Variants in ARHGAP10 observed in about 807,000 individuals in gnomAD.
ARHGAP10 encodes the protein rho GTPase-activating protein 10.
A neutral mutation model predicts 108.6 loss-of-function variants in ARHGAP10; 87 were observed. That is an observed-to-expected ratio of 0.80 (90% CI 0.67 to 0.96). The LOEUF is 0.96. Among genes scored for constraint, ARHGAP10 ranks in the 40% least tolerant of loss-of-function variants. The pLI is 0.00. For synonymous variants in ARHGAP10, 347 were observed against 341.1 expected (o/e 1.02, Z -0.19); for missense variants, 939 against 954.5 (o/e 0.98, Z 0.21).
In ARHGAP10 at chr4:148,063,128, C is replaced by A; in HGVS notation, c.2028-20C>A. 6.2e-7 allele frequency: 1 copy of A among 1,613,492 alleles called. No individual in the cohort carries two copies. Among genetic ancestry groups the A allele is most frequent in the Non-Finnish European group, 8.5e-7 (1 of 1,179,652 alleles). ...TGGCCTTTCTGCTATTAATCCTGTCCTTCAAACTCCTACCCTTAGCCCAGG... is the reference window on the plus strand; with the variant it reads ...TGGCCTTTCTGCTATTAATCCTGTCATTCAAACTCCTACCCTTAGCCCAGG... On this transcript the variant is annotated intron_variant, in intron 20 of 22. Transcript: ENST00000336498.
chr4:147,962,360 A>T (rs1004925866), intron 16 of ARHGAP10, among the ~76,000 whole-genome samples: 1 of 152,228 alleles, frequency 6.6e-6, no homozygotes, highest in Non-Finnish European at 1.5e-5. Flanking sequence ...ACAGTGATTG[A>T]GTGCCCACAT....
chr4:147,809,203 C>A (rs1385723313), intron 1 of ARHGAP10: 3 of 152,352 alleles, frequency 2.0e-5, no homozygotes, highest in Non-Finnish European at 4.4e-5. Flanking sequence ...AGCAAGACCT[C>A]GTCTCTATAA....
chr4:148,018,488 C>T (rs1741433597), intron 18 of ARHGAP10, among the ~76,000 whole-genome samples: 1 of 151,792 alleles, frequency 6.6e-6, no homozygotes, highest in African/African-American at 2.4e-5. Context: ...TTACTATTTC[C>T]TCTTCTTGTA....
At chr4:147,991,053 C>T (rs1282862081) in intron 18 of ARHGAP10, among the ~76,000 whole-genome samples, 1 of 151,280 alleles carries the variant, frequency 6.6e-6, no homozygotes, top group Non-Finnish European at 1.5e-5. Flanking sequence ...GTTTACTATG[C>T]TTTTCACCTT....
intron 13 of ARHGAP10, among the ~76,000 whole-genome samples, chr4:147,923,592 A>C (rs1217966330): frequency 1.3e-5 from 2 of 152,240 alleles, no homozygotes; most frequent in African/African-American, 4.8e-5. Context: ...TCAGTTATCA[A>C]ATTCAGCATT....
chr4:147,850,621 T>C (rs1344671021), intron 4 of ARHGAP10, among the ~76,000 whole-genome samples: 1 of 152,074 alleles, frequency 6.6e-6, no homozygotes. Flanking sequence ...CATCTGAACA[T>C]CTGAAGGGAC....
At chr4:147,937,981 A>G (rs1738020454) in intron 13 of ARHGAP10, among the ~76,000 whole-genome samples, 1 of 152,236 alleles carries the variant, frequency 6.6e-6, no homozygotes, top group South Asian at 2.1e-4. Context: ...CTCCATCTCC[A>G]AAAGAAACAA....
chr4:148,015,330 T>C (rs564110031), intron 18 of ARHGAP10, among the ~76,000 whole-genome samples: 3 of 152,160 alleles, frequency 2.0e-5, no homozygotes, highest in African/African-American at 7.2e-5. Flanking sequence ...GTTCTGGGAG[T>C]AAGGTCTGAC....
At chr4:147,964,538 A>G (rs1170739647) in intron 16 of ARHGAP10, among the ~76,000 whole-genome samples, 1 of 152,130 alleles carries the variant, frequency 6.6e-6, no homozygotes, top group Non-Finnish European at 1.5e-5. Context: ...AATCCCAAGT[A>G]CAGTTTAAAA....
At chr4:147,772,942 A>G (rs1169338424) in intron 1 of ARHGAP10, among the ~76,000 whole-genome samples, 1 of 152,106 alleles carries the variant, frequency 6.6e-6, no homozygotes, top group African/African-American at 2.4e-5. Flanking sequence ...TCCAAAAGCA[A>G]TACATATAGG....
chr4:147,866,842 A>G, intron 7 of ARHGAP10, 26 bp downstream of exon 7: 10 of 1,526,016 alleles, frequency 6.6e-6, no homozygotes, highest in Non-Finnish European at 9.0e-6. Context: ...CTTTCTTTAT[A>G]AAAAGATGTT....
chr4:148,045,490 C>G (rs1425995343), intron 19 of ARHGAP10, among the ~76,000 whole-genome samples: 1 of 152,016 alleles, frequency 6.6e-6, no homozygotes, highest in South Asian at 2.1e-4. Context: ...GCCTGTAATC[C>G]CAGCAATTTG....
At position 148,072,162 on chromosome 4, in the gene ARHGAP10, T is replaced by A; in HGVS notation, c.*81T>A. 4 of 1,308,174 alleles carry A rather than the reference T, an allele frequency of 3.1e-6. No homozygotes were observed. Among genetic ancestry groups the A allele is most frequent in the Non-Finnish European group, 4.2e-6 (4 of 943,916 alleles). The allele number at this position is 1,308,174 out of a possible 1,614,324, so 81.0% of individuals were successfully genotyped here. On this transcript the variant is annotated 3_prime_UTR_variant, in exon 23 of 23. Coordinates refer to ENST00000336498, the MANE Select transcript of ARHGAP10 (RefSeq NM_024605.4). ...GAGAGCTGTCTTCCTCCTCCGAGGC[T>A]CTGGGCTGCACCCACAGGTACCTCC...
chr4:148,021,156 C>T (rs1031735355), intron 18 of ARHGAP10, among the ~76,000 whole-genome samples: 1 of 152,144 alleles, frequency 6.6e-6, no homozygotes, highest in Admixed American at 6.5e-5. Flanking sequence ...TTGGACCCAG[C>T]CCTGAGATTT....
intron 1 of ARHGAP10, among the ~76,000 whole-genome samples, chr4:147,735,705 A>C (rs929399323): frequency 2.1e-4 from 32 of 152,132 alleles, no homozygotes; most frequent in African/African-American, 7.7e-4. Flanking sequence ...AGTTGGGGAT[A>C]GCGCTAGGGG....
intron 18 of ARHGAP10, among the ~76,000 whole-genome samples, chr4:148,004,568 C>G (rs72724397): frequency 6.6e-6 from 1 of 152,186 alleles, no homozygotes; most frequent in Non-Finnish European, 1.5e-5. Flanking sequence ...AGTAATCAAC[C>G]ACGTGAACTG....
chr4:147,763,988 C>T (rs554098347), intron 1 of ARHGAP10, among the ~76,000 whole-genome samples: 1 of 152,204 alleles, frequency 6.6e-6, no homozygotes, highest in African/African-American at 2.4e-5. Flanking sequence ...CTCCTGACCT[C>T]GGGTGATCTG....
chr4:147,959,887 G>A (rs1324416458), intron 16 of ARHGAP10, among the ~76,000 whole-genome samples: 1 of 152,132 alleles, frequency 6.6e-6, no homozygotes, highest in Non-Finnish European at 1.5e-5. Context: ...TTTAAACTAG[G>A]TTTTCACTGG....
At chr4:147,774,769 G>A (rs1036533637) in intron 1 of ARHGAP10, among the ~76,000 whole-genome samples, 1 of 152,100 alleles carries the variant, frequency 6.6e-6, no homozygotes, top group Non-Finnish European at 1.5e-5. Context: ...TACCTCTTGG[G>A]GCAAAGATTC....
Sources: allele counts gnomAD v4.1 joint callset (sites outside exome capture counted in the v4.1 genomes callset), GRCh38; gene constraint gnomAD v4.1.1; transcripts MANE v1.5; gene names NCBI Gene and HGNC (gene_info 2026-07-23, HGNC 2026-07-21).